TOX: variants seen among roughly 807,000 people sequenced by gnomAD.
TOX encodes the protein thymocyte selection associated high mobility group box.
Under a neutral mutation model 53.7 loss-of-function variants are expected in TOX, and 11 were observed. That is an observed-to-expected ratio of 0.20 (90% CI 0.13 to 0.34). TOX has a LOEUF of 0.34. Among genes scored for constraint, TOX ranks in the 10% least tolerant of loss-of-function variants. The pLI, the probability that TOX is intolerant of heterozygous loss-of-function variation, is 1.00. For synonymous variants in TOX, 225 were observed against 245.3 expected, an observed-to-expected ratio of 0.92 and a Z score of 0.77; for missense variants, 570 against 664.6, an observed-to-expected ratio of 0.86 and a Z score of 1.56.
At chr8:58,894,852 C>A (rs7826909) in intron 3 of TOX, among the ~76,000 whole-genome samples, 2,312 of 151,926 alleles carry the variant, frequency 0.015, 55 homozygotes, top group African/African-American at 0.053. Context: ...GCCGAGATCG[C>A]GCCACTGCAC....
chr8:59,068,445 A>G (rs1237370719), intron 1 of TOX, among the ~76,000 whole-genome samples: 1 of 152,130 alleles, frequency 6.6e-6, no homozygotes, highest in African/African-American at 2.4e-5. Context: ...AAAAGAGGAA[A>G]ACGAAGAGAA....
At chr8:58,810,228 T>C (rs756683033) in intron 7 of TOX, among the ~76,000 whole-genome samples, 1 of 152,198 alleles carries the variant, frequency 6.6e-6, no homozygotes, top group Non-Finnish European at 1.5e-5. Context: ...GATCTTGAAC[T>C]CTGGGGCTCA....
intron 1 of TOX, among the ~76,000 whole-genome samples, chr8:58,969,845 G>T (rs1467541801): frequency 1.3e-5 from 2 of 152,176 alleles, no homozygotes; most frequent in African/African-American, 2.4e-5. Flanking sequence ...GAAACAGCAT[G>T]CTTGCTTCTA....
intron 1 of TOX, among the ~76,000 whole-genome samples, chr8:59,034,321 C>G (rs1257939068): frequency 6.6e-6 from 1 of 152,266 alleles, no homozygotes; most frequent in East Asian, 1.9e-4. Flanking sequence ...ACTACACAAA[C>G]TGCTACCCAA....
At chr8:58,808,345 T>C in intron 7 of TOX, 76 bp from the exon 8 acceptor site, 2 of 1,530,502 alleles carry the variant, frequency 1.3e-6, no homozygotes, top group Non-Finnish European at 8.8e-7. Flanking sequence ...ATTTATTCAT[T>C]CTTTGCAGAC....
intron 7 of TOX, among the ~76,000 whole-genome samples, chr8:58,808,496 TTAATTATAC>T (rs1810025599): frequency 6.6e-6 from 1 of 152,188 alleles, no homozygotes. Context: ...CAGAAAACCT[TTAATTATAC>T]CCTTGAGCAG....
intron 2 of TOX, among the ~76,000 whole-genome samples, chr8:58,957,777 A>T (rs1812736114): frequency 1.3e-5 from 2 of 152,178 alleles, no homozygotes; most frequent in South Asian, 4.1e-4. Context: ...AACTATGCAG[A>T]TGTTTGATGT....
chr8:58,927,595 C>G (rs1812186520), intron 3 of TOX, among the ~76,000 whole-genome samples: 1 of 152,196 alleles, frequency 6.6e-6, no homozygotes, highest in Non-Finnish European at 1.5e-5. Context: ...TAGCCCAGGA[C>G]TTGGCAAGAG....
chr8:58,909,079 T>A (rs543960812), intron 3 of TOX, among the ~76,000 whole-genome samples: 1 of 152,336 alleles, frequency 6.6e-6, no homozygotes, highest in African/African-American at 2.4e-5. Context: ...TTTTCAACTC[T>A]AGTCACACAT....
intron 1 of TOX, among the ~76,000 whole-genome samples, chr8:59,008,902 C>T (rs949600194): frequency 3.9e-5 from 6 of 152,064 alleles, no homozygotes; most frequent in Admixed American, 2.6e-4. Context: ...CCACTTTTTT[C>T]GATAGGGAGC....
intron 7 of TOX, among the ~76,000 whole-genome samples, chr8:58,812,322 G>C (rs1189879189): frequency 6.6e-6 from 1 of 152,024 alleles, no homozygotes; most frequent in Non-Finnish European, 1.5e-5. Context: ...CCAATTCCCT[G>C]CCCTTGACTC....
chr8:59,111,013 G>A (rs920733142), intron 1 of TOX, among the ~76,000 whole-genome samples: 2 of 152,046 alleles, frequency 1.3e-5, no homozygotes, highest in African/African-American at 4.8e-5. Context: ...ATTCTCATAA[G>A]TCTTCTTTGA....
intron 1 of TOX, among the ~76,000 whole-genome samples, chr8:59,012,475 G>A (rs1443992031): frequency 6.6e-6 from 1 of 151,490 alleles, no homozygotes; most frequent in Non-Finnish European, 1.5e-5. Context: ...CCCATGCTTT[G>A]TGCACAGCTG....
At chr8:58,856,505 T>C (rs919517693) in intron 3 of TOX, among the ~76,000 whole-genome samples, 1 of 152,198 alleles carries the variant, frequency 6.6e-6, no homozygotes, top group South Asian at 2.1e-4. Context: ...TCCTGGGAAC[T>C]TCTTAGTCAC....
intron 1 of TOX, among the ~76,000 whole-genome samples, chr8:59,066,306 C>T (rs1804092589): frequency 1.3e-5 from 2 of 152,184 alleles, no homozygotes; most frequent in African/African-American, 2.4e-5. Flanking sequence ...AAGTTTGCTA[C>T]ACTTGTACAA....
chr8:59,111,050 T>C (rs73256400), intron 1 of TOX, among the ~76,000 whole-genome samples: 6,982 of 152,214 alleles, frequency 0.046, 306 homozygotes, highest in African/African-American at 0.11. Context: ...CTACTGGATA[T>C]ATGGAAGACT....
intron 3 of TOX, among the ~76,000 whole-genome samples, chr8:58,885,830 T>A (rs1311496803): frequency 6.6e-6 from 1 of 152,156 alleles, no homozygotes; most frequent in Admixed American, 6.6e-5. Context: ...GGCTCCATAA[T>A]AATCTGGCTA....
At chr8:58,962,005 T>C (rs888397352) in intron 1 of TOX, among the ~76,000 whole-genome samples, 1 of 152,250 alleles carries the variant, frequency 6.6e-6, no homozygotes, top group Non-Finnish European at 1.5e-5. Flanking sequence ...ACAGTTTCTC[T>C]GACTGTAACA....
In TOX at chr8:58,815,528, T is replaced by C. The variant is rs754524161; in HGVS notation, c.1202A>G (p.Asn401Ser). The change falls in exon 7 of 9, where the codon AAT (asparagine) becomes AGT (serine). Residue 401 changes from asparagine to serine, a missense_variant. Around this residue, in one of 3 missense-constraint regions of TOX, gnomAD observed 239 missense variants for 250.7 expected, o/e 0.95. Coordinates refer to ENST00000361421, the MANE Select transcript of TOX (RefSeq NM_014729.3). ...AGAGACAGTCACTGGCATTTGGTTA[T>C]TCGGCTTGGGGGCTATGTTCCTGGG... ...SLPRNIAPKP[N>S]NQMPVTVSIA... The C allele has an allele frequency of 5.0e-6, 8 of 1,614,120 alleles. No homozygotes were observed. The South Asian group carries it at 6.6e-5, about 13-fold the overall frequency.
Sources: allele counts gnomAD v4.1 joint callset (sites outside exome capture counted in the v4.1 genomes callset), GRCh38; gene constraint gnomAD v4.1.1; regional missense constraint gnomAD v4.1.1; transcripts MANE v1.5; gene names NCBI Gene and HGNC (gene_info 2026-07-23, HGNC 2026-07-21).